Variants in VAMP4 observed in about 807,000 individuals in gnomAD.
VAMP4 encodes vesicle associated membrane protein 4.
In VAMP4, 19 loss-of-function variants were observed where a neutral mutation model predicts 23.5. The ratio of observed to expected loss-of-function variants is 0.81; its 90% CI spans 0.56 to 1.19. VAMP4 has a LOEUF of 1.19. VAMP4 is among the 50% of genes most tolerant of loss of function. The pLI is 0.00. For missense variants in VAMP4, 145 were observed against 168.6 expected (o/e 0.86, Z 0.78); for synonymous variants, 31 against 51.0 (o/e 0.61, Z 1.67).
chr1:171,723,963 C>T (rs889683247), intron 3 of VAMP4, among the ~76,000 whole-genome samples: 2 of 152,156 alleles, frequency 1.3e-5, no homozygotes, highest in Non-Finnish European at 2.9e-5. Flanking sequence ...TCCCTCCATT[C>T]GGGGTCGCTG....
At chr1:171,711,956 C>T (rs1654861136) in intron 4 of VAMP4, among the ~76,000 whole-genome samples, 1 of 152,004 alleles carries the variant, frequency 6.6e-6, no homozygotes, top group Non-Finnish European at 1.5e-5. Flanking sequence ...TTATAATTAC[C>T]TACAGTATTC....
At chr1:171,723,792 T>C (rs535353258) in intron 3 of VAMP4, among the ~76,000 whole-genome samples, 1 of 152,324 alleles carries the variant, frequency 6.6e-6, no homozygotes, top group South Asian at 2.1e-4. Flanking sequence ...CACAAGAGTA[T>C]TGACTGGGGA....
rs1175895727 is a variant in VAMP4 at position 171,704,294 on chromosome 1, T to A, written c.*212A>T. The A allele has an allele frequency of 5.6e-6, 2 of 357,904 alleles. No homozygotes were observed. The highest frequency in any genetic ancestry group is 4.2e-5 in the African/African-American group (2 of 47,384). 22.2% of individuals were successfully genotyped at this position (357,904 alleles called of 1,614,324 possible). A position where few individuals can be genotyped will look rare whatever the true frequency, so the allele number is the denominator to read the frequency against. On this transcript the variant is annotated 3_prime_UTR_variant, in exon 8 of 8. Transcript: ENST00000236192. ...TATGGAAAAATAGAGGCTAGTTCTC[T>A]TTGCCTTAAACATAATTATTAAAAG...
chr1:171,730,961 T>C (rs1327753937), intron 2 of VAMP4, among the ~76,000 whole-genome samples: 1 of 152,002 alleles, frequency 6.6e-6, no homozygotes, highest in Non-Finnish European at 1.5e-5. Flanking sequence ...TCCCAGCACT[T>C]TGGGAGGCCC....
chr1:171,700,904 G>C lies in VAMP4; in HGVS notation c.*3602C>G, dbSNP rs1654407233. ...TTCAATTCCTACTGATTTGTTCCAA[G>C]AAGCTTCTTGGAATAAAACAGAAGC... On this transcript the variant is annotated 3_prime_UTR_variant, in exon 8 of 8. Coordinates refer to ENST00000236192, the MANE Select transcript of VAMP4 (RefSeq NM_003762.5). The C allele has an allele frequency of 6.6e-6, 1 of 151,878 alleles. No individual in the cohort carries two copies. Among genetic ancestry groups the C allele is most frequent in the Non-Finnish European group, 1.5e-5 (1 of 67,982 alleles). The allele number at this position is 151,878 out of a possible 1,614,324, so 9.4% of individuals were successfully genotyped here. A position where few individuals can be genotyped will look rare whatever the true frequency, so the allele number is the denominator to read the frequency against.
intron 3 of VAMP4, among the ~76,000 whole-genome samples, chr1:171,726,098 C>T (rs1460239424): frequency 2.6e-5 from 4 of 152,070 alleles, no homozygotes; most frequent in African/African-American, 9.7e-5. Context: ...GTTGCCCAAG[C>T]TGGAGTGCAG....
chr1:171,738,417 T>C lies in VAMP4; in HGVS notation c.-3A>G. ...TGGCGCTTAAACTTGGGAGGCATATTTTTTACTTGCAAAGTATCTTTTGCT... is the reference window on the plus strand; with the variant it reads ...TGGCGCTTAAACTTGGGAGGCATATCTTTTACTTGCAAAGTATCTTTTGCT... On this transcript the variant is annotated 5_prime_UTR_variant, in exon 2 of 8. Coordinates refer to ENST00000236192, the MANE Select transcript of VAMP4 (RefSeq NM_003762.5). 1 of 1,614,120 alleles carries C rather than the reference T, an allele frequency of 6.2e-7. No individual in the cohort carries two copies. The highest frequency in any genetic ancestry group is 8.5e-7 in the Non-Finnish European group (1 of 1,180,004).
chr1:171,705,118 A>G (rs951506495), intron 7 of VAMP4, among the ~76,000 whole-genome samples: 3 of 152,114 alleles, frequency 2.0e-5, no homozygotes, highest in Non-Finnish European at 4.4e-5. Context: ...TATAGGGTTA[A>G]GTTCCTGTGA....
At chr1:171,707,191 C>A (rs1247836263) in intron 6 of VAMP4, among the ~76,000 whole-genome samples, 1 of 152,078 alleles carries the variant, frequency 6.6e-6, no homozygotes. Context: ...TTTCACAGCC[C>A]CCAGATATAT....
chr1:171,703,426 TA>T lies in VAMP4; in HGVS notation c.*1079del, dbSNP rs1654529865. 1 of 9,618 alleles carries T rather than the reference TA, an allele frequency of 1.0e-4. No homozygotes were observed. The highest frequency in any genetic ancestry group is 2.9e-4 in the Non-Finnish European group (1 of 3,490). The allele number at this position is 9,618 out of a possible 1,614,324, so 0.6% of individuals were successfully genotyped here. A position where few individuals can be genotyped will look rare whatever the true frequency, so the allele number is the denominator to read the frequency against. ...GTGTGTGTGTGTGTGTGTTTGTGTG[TA>T]TATATATATATATATATATATATAT... On this transcript the variant is annotated 3_prime_UTR_variant, in exon 8 of 8. Coordinates refer to ENST00000236192, the MANE Select transcript of VAMP4 (RefSeq NM_003762.5).
intron 7 of VAMP4, among the ~76,000 whole-genome samples, 158 bp from the exon 8 acceptor site, chr1:171,704,692 A>G (rs989737008): frequency 6.6e-5 from 10 of 152,086 alleles, no homozygotes; most frequent in Non-Finnish European, 1.5e-4. Flanking sequence ...ATGGGAAAGG[A>G]GAAGCAAAAA....
chr1:171,741,371 G>C (rs1422626228), intron 1 of VAMP4, among the ~76,000 whole-genome samples: 4 of 152,146 alleles, frequency 2.6e-5, no homozygotes, highest in Non-Finnish European at 4.4e-5. Context: ...GATGGACACA[G>C]ACCGGAGATA....
At position 171,724,753 on chromosome 1, in the gene VAMP4, A is replaced by G. The variant is rs183899475; in HGVS notation, c.113+3771T>C. On this transcript the variant is annotated intron_variant, in intron 3 of 7. Coordinates refer to ENST00000236192, the MANE Select transcript of VAMP4 (RefSeq NM_003762.5). ...TATATGAAAATGCTTAGAGCCTCCA[A>G]TAGCCAAAAGAACTTTCAAAAGGCA... Among the ~76,000 whole-genome samples, 958 of 152,274 alleles carry G rather than the reference A, an allele frequency of 6.3e-3. 4 individuals are homozygous for G. Among genetic ancestry groups the G allele is most frequent in the Middle Eastern group, 0.017 (5 of 294 alleles).
At chr1:171,722,131 C>T (rs890543767) in intron 3 of VAMP4, among the ~76,000 whole-genome samples, 2 of 152,014 alleles carry the variant, frequency 1.3e-5, no homozygotes, top group Non-Finnish European at 2.9e-5. Context: ...CTTTGACAAA[C>T]CTGACAAAAA....
At chr1:171,719,145 C>G (rs539439207) in intron 4 of VAMP4, 26 bp downstream of exon 4, 1 of 1,603,624 alleles carries the variant, frequency 6.2e-7, no homozygotes, top group African/African-American at 1.3e-5. Flanking sequence ...ATATGATTAT[C>G]ATTTAAACAA....
intron 3 of VAMP4, among the ~76,000 whole-genome samples, chr1:171,728,013 G>A (rs1400324938): frequency 2.6e-5 from 4 of 152,256 alleles, no homozygotes; most frequent in Non-Finnish European, 4.4e-5. Flanking sequence ...ACAGGTACAC[G>A]GTACAGTAAG....
Position 171,706,425 on chromosome 1 carries a change from CACACA to C in VAMP4, c.346-12_346-8del. On this transcript the variant is annotated splice_polypyrimidine_tract_variant and splice_region_variant and intron_variant, in intron 6 of 7. Transcript: ENST00000236192. Reference sequence around the variant, plus strand: ...AAGCCATGATGGCTTTTATCTACAACACACAAAAGGGCATATATATTAATATTTGA... The same window carrying C: ...AAGCCATGATGGCTTTTATCTACAACAAAGGGCATATATATTAATATTTGA... 6.2e-7 allele frequency: 1 copy of C among 1,605,934 alleles called. No homozygotes were observed. Among genetic ancestry groups the C allele is most frequent in the South Asian group, 1.1e-5 (1 of 89,654 alleles).
At chr1:171,721,200 G>A (rs1655183526) in intron 3 of VAMP4, among the ~76,000 whole-genome samples, 1 of 152,020 alleles carries the variant, frequency 6.6e-6, no homozygotes, top group Admixed American at 6.6e-5. Context: ...CAATGAAAAT[G>A]AAACATAATA....
chr1:171,733,314 AAAAAAAT>A (rs1655621740), intron 2 of VAMP4, among the ~76,000 whole-genome samples: 1 of 149,544 alleles, frequency 6.7e-6, no homozygotes, highest in Admixed American at 6.7e-5. Context: ...AAAAAAAAAA[AAAAAAAT>A]TAGGCGTGGT....
Sources: gnomAD v4.1 joint callset for allele counts (sites outside exome capture counted in the v4.1 genomes callset) on GRCh38, gnomAD v4.1.1 for gene constraint, MANE v1.5 for transcripts, NCBI Gene and HGNC (gene_info 2026-07-23, HGNC 2026-07-21) for gene names.